Variants in C1orf105 observed in about 807,000 individuals in gnomAD.
C1orf105 encodes chromosome 1 open reading frame 105, also known as uncharacterized protein C1orf105.
A neutral mutation model predicts 20.8 loss-of-function variants in C1orf105; 17 were observed. That is an observed-to-expected ratio of 0.82 (90% CI 0.56 to 1.23). The LOEUF (loss-of-function observed/expected upper bound fraction) is 1.23, where lower values mean the gene tolerates loss of function less well. C1orf105 is among the 50% of genes most tolerant of loss of function. C1orf105 has a pLI of 0.00. For missense variants in C1orf105, 219 were observed against 213.5 expected, an observed-to-expected ratio of 1.03 and a Z score of -0.16; for synonymous variants, 72 against 72.1, an observed-to-expected ratio of 1.00 and a Z score of 0.01.
At chr1:172,424,414 G>A (rs1403550583) in intron 1 of C1orf105, among the ~76,000 whole-genome samples, 8 of 152,166 alleles carry the variant, frequency 5.3e-5, no homozygotes, top group Non-Finnish European at 1.0e-4. Flanking sequence ...TTTTTGAGAT[G>A]GAGTCTTGCT....
intron 1 of C1orf105, chr1:172,442,570 A>G (rs1219325126): frequency 5.0e-6 from 8 of 1,614,060 alleles, no homozygotes; most frequent in Non-Finnish European, 6.8e-6. Flanking sequence ...TCGCTCATAC[A>G]AGACCTTCTG....
intron 1 of C1orf105, chr1:172,431,192 G>A (rs1249535543): frequency 1.2e-5 from 5 of 434,424 alleles, no homozygotes; most frequent in Non-Finnish European, 1.6e-5. Flanking sequence ...TAGTGAAGAA[G>A]GCATATCAAA....
At chr1:172,447,913 T>C (rs1648191029) in intron 2 of C1orf105, among the ~76,000 whole-genome samples, 1 of 152,180 alleles carries the variant, frequency 6.6e-6, no homozygotes, top group South Asian at 2.1e-4. Context: ...GGTCACCCTG[T>C]AAAAGGAACT....
At chr1:172,433,047 C>T (rs2071921616) in intron 1 of C1orf105, among the ~76,000 whole-genome samples, 1 of 152,044 alleles carries the variant, frequency 6.6e-6, no homozygotes, top group South Asian at 2.1e-4. Flanking sequence ...TGAAATAAAG[C>T]AAGAAGACAA....
intron 3 of C1orf105, among the ~76,000 whole-genome samples, chr1:172,454,714 T>A (rs1649046010): frequency 6.6e-6 from 1 of 152,070 alleles, no homozygotes; most frequent in African/African-American, 2.4e-5. Flanking sequence ...TGTTTTTTTT[T>A]ACCCTTCTCA....
chr1:172,456,283 C>A (rs2149185903), intron 3 of C1orf105, 132 bp from the exon 4 acceptor site: 1 of 752,252 alleles, frequency 1.3e-6, no homozygotes, highest in Non-Finnish European at 2.3e-6. Flanking sequence ...GGGGCTGAGA[C>A]CAGAGTGCCC....
chr1:172,448,535 C>T lies in C1orf105; in HGVS notation c.198+4C>T. ...AGTTCCAGATGTTTTATCTAAGGTACTAAAAAATTTTTGTTGAAATGAAAC... is the reference window on the plus strand; with the variant it reads ...AGTTCCAGATGTTTTATCTAAGGTATTAAAAAATTTTTGTTGAAATGAAAC... On this transcript the variant is annotated splice_donor_region_variant and intron_variant, in intron 3 of 6. Transcript: ENST00000367727. 1.9e-6 allele frequency: 3 copies of T among 1,585,410 alleles called. No homozygotes were observed. Among genetic ancestry groups the T allele is most frequent in the African/African-American group, 1.3e-5 (1 of 74,210 alleles).
At chr1:172,421,871 C>G (rs2071599549) in intron 1 of C1orf105, among the ~76,000 whole-genome samples, 1 of 151,744 alleles carries the variant, frequency 6.6e-6, no homozygotes, top group South Asian at 2.1e-4. Flanking sequence ...GATTGTGGGA[C>G]TCTAGAATTC....
Position 172,441,764 on chromosome 1 carries a change from C to A in C1orf105, c.22-3309C>A, listed in dbSNP as rs770671752. ...AACCTGGACAAGTCTTCCTTGATTT[C>A]AGCTTCATCCCAAGGCCCATGAATG... On this transcript the variant is annotated intron_variant, in intron 1 of 6. Transcript: ENST00000367727. The A allele has an allele frequency of 1.3e-6, 2 of 1,569,572 alleles. No individual in the cohort carries two copies. The highest frequency in any genetic ancestry group is 1.7e-6 in the Non-Finnish European group (2 of 1,159,760).
intron 1 of C1orf105, chr1:172,441,922 A>T (rs774320812): frequency 6.2e-7 from 1 of 1,614,218 alleles, no homozygotes; most frequent in South Asian, 1.1e-5. Context: ...AAATGCAAAA[A>T]GCAGTGTGAC....
chr1:172,441,938 CA>C, intron 1 of C1orf105: 1 of 1,614,186 alleles, frequency 6.2e-7, no homozygotes, highest in East Asian at 2.2e-5. Flanking sequence ...GTGACCCCCA[CA>C]TAGCTCCGGG....
At chr1:172,431,668 G>GA (rs1465585845) in intron 1 of C1orf105, among the ~76,000 whole-genome samples, 17 of 152,352 alleles carry the variant, frequency 1.1e-4, no homozygotes, top group Non-Finnish European at 4.4e-5. Context: ...CTCCCGGCGT[G>GA]ATCGATGCAG....
At position 172,456,564 on chromosome 1, in the gene C1orf105, G is replaced by A. The variant is rs1573885954; in HGVS notation, c.273+75G>A. The A allele has an allele frequency of 1.9e-5, 27 of 1,445,422 alleles. No homozygotes were observed. In the Middle Eastern group the frequency reaches 1.1e-3, roughly 57 times the overall value. 89.5% of individuals were successfully genotyped at this position (1,445,422 alleles called of 1,614,324 possible). On this transcript the variant is annotated intron_variant, in intron 4 of 6. Coordinates refer to ENST00000367727, the MANE Select transcript of C1orf105 (RefSeq NM_139240.4). ...ACTGCCCTTCCCAGCCAAGCCCTGT[G>A]GGGAGAGATAGTGACGGGGCCCGTT...
intron 6 of C1orf105, among the ~76,000 whole-genome samples, chr1:172,466,573 TACAC>T (rs3980398): frequency 0.04 from 5,929 of 147,152 alleles, 101 homozygotes; most frequent in Middle Eastern, 0.055. Context: ...ATGAATCACA[TACAC>T]ACACACACAC....
At chr1:172,463,086 A>G (rs1023704585) in intron 5 of C1orf105, among the ~76,000 whole-genome samples, 1 of 152,082 alleles carries the variant, frequency 6.6e-6, no homozygotes, top group Non-Finnish European at 1.5e-5. Flanking sequence ...CTAGTTTTTC[A>G]AAGAGTTTTT....
chr1:172,420,933 A>G lies in C1orf105; in HGVS notation c.21+27A>G, dbSNP rs139899623. Reference sequence around the variant, plus strand: ...TAGGAAAAAAATAAATGAAACTTCCAATTCTTTCCTTATGGGGTTACCCTG... The same window carrying G: ...TAGGAAAAAAATAAATGAAACTTCCGATTCTTTCCTTATGGGGTTACCCTG... On this transcript the variant is annotated intron_variant, in intron 1 of 6. Transcript: ENST00000367727. 8.1e-5 allele frequency: 129 copies of G among 1,585,950 alleles called. 1 individual carries two copies. The East Asian group carries it at 1.9e-3, about 23-fold the overall frequency.
intron 1 of C1orf105, among the ~76,000 whole-genome samples, chr1:172,440,888 C>T (rs1647233558): frequency 6.6e-6 from 1 of 152,218 alleles, no homozygotes; most frequent in South Asian, 2.1e-4. Flanking sequence ...ATAGATGCAG[C>T]ACAATAGCAG....
At chr1:172,423,024 C>A (rs142566098) in intron 1 of C1orf105, among the ~76,000 whole-genome samples, 1 of 152,206 alleles carries the variant, frequency 6.6e-6, no homozygotes, top group African/African-American at 2.4e-5. Context: ...TCCCAGACAG[C>A]GTCTCTGGAC....
intron 1 of C1orf105, among the ~76,000 whole-genome samples, chr1:172,444,852 C>G (rs1047692216): frequency 1.3e-5 from 2 of 152,222 alleles, no homozygotes; most frequent in Non-Finnish European, 2.9e-5. Context: ...AGCTCAGTGA[C>G]TCAAGGCAAA....
Sources: allele counts gnomAD v4.1 joint callset (sites outside exome capture counted in the v4.1 genomes callset), GRCh38; gene constraint gnomAD v4.1.1; transcripts MANE v1.5; gene names NCBI Gene and HGNC (gene_info 2026-07-23, HGNC 2026-07-21).